SYNE1: variants seen among roughly 807,000 people sequenced by gnomAD.
The protein encoded by SYNE1 is spectrin repeat containing nuclear envelope protein 1, also known as nesprin-1.
SYNE1 carries 616 observed loss-of-function variants against 1,111.0 expected under a neutral mutation model. The observed-to-expected ratio is 0.55, with a 90% confidence interval of 0.52 to 0.59. The LOEUF (loss-of-function observed/expected upper bound fraction) is 0.59. Among genes scored for constraint, SYNE1 ranks in the 20% least tolerant of loss-of-function variants. SYNE1 has a pLI of 0.00. For synonymous variants in SYNE1, 3,855 were observed against 3,825.8 expected (o/e 1.01, Z -0.28); for missense variants, 10,006 against 10,417.0 (o/e 0.96, Z 1.72).
chr6:152,122,651 A>C lies in SYNE1; in HGVS notation c.26179T>G (p.Ser8727Ala). 6.2e-7 allele frequency: 1 copy of C among 1,614,010 alleles called. No homozygotes were observed. The change falls in exon 146 of 146, where the codon TCC (serine) becomes GCC (alanine). Residue 8727 changes from serine (S) to alanine (A), a missense_variant. By Grantham distance (99) the Ser-to-Ala change is moderately conservative (BLOSUM62 1). Coordinates refer to ENST00000367255, the MANE Select transcript of SYNE1 (RefSeq NM_182961.4). Reference sequence around the variant, plus strand: ...CGACCTGGCCCTGGCTCAGAAAGGGAGGAATCGGAGCCACCTTTTGTGGAC... The same window carrying C: ...CGACCTGGCCCTGGCTCAGAAAGGGCGGAATCGGAGCCACCTTTTGTGGAC... The part of the protein sequence containing the change: ...SRSTKGGSDS[S>A]LSEPGPGRSG...
At position 152,330,310 on chromosome 6, in the gene SYNE1, C is replaced by G; in HGVS notation, c.14375G>C (p.Arg4792Thr). The change falls in exon 78 of 146, where the codon AGA (arginine) becomes ACA (threonine). Residue 4792 changes from arginine to threonine, a missense_variant. Transcript: ENST00000367255. ...CTCCTCTTTTACAGACTTCAGTTGTCTCTCCAGCTGTTGGCACATCTTCTC... is the reference window on the plus strand; with the variant it reads ...CTCCTCTTTTACAGACTTCAGTTGTGTCTCCAGCTGTTGGCACATCTTCTC... ...EHEKMCQQLE[R>T]QLKSVKEEQS... 1.9e-6 allele frequency: 3 copies of G among 1,614,158 alleles called. No homozygotes were observed. The highest frequency in any genetic ancestry group is 2.5e-6 in the Non-Finnish European group (3 of 1,180,038).
chr6:152,419,552 A>G lies in SYNE1; in HGVS notation c.5421+17T>C, dbSNP rs756935351. On this transcript the variant is annotated intron_variant, in intron 40 of 145. Transcript: ENST00000367255. ...AGAAATTCTTCTTCAATCTTAAAAA[A>G]AAAAAAACCACTTTACCTTATGCCG... The G allele has an allele frequency of 1.9e-6, 3 of 1,598,888 alleles. No individual in the cohort carries two copies. The highest frequency in any genetic ancestry group is 2.6e-6 in the Non-Finnish European group (3 of 1,176,054).
intron 103 of SYNE1, among the ~76,000 whole-genome samples, 198 bp from the exon 104 acceptor site, chr6:152,255,287 A>G (rs1348445784): frequency 6.6e-6 from 1 of 152,220 alleles, no homozygotes; most frequent in Non-Finnish European, 1.5e-5. Flanking sequence ...ATTCACTAGT[A>G]ATAATGAGCA....
At chr6:152,174,924 T>C (rs2066033872) in intron 130 of SYNE1, among the ~76,000 whole-genome samples, 1 of 152,266 alleles carries the variant, frequency 6.6e-6, no homozygotes, top group African/African-American at 2.4e-5. Flanking sequence ...CTGGGTGCGG[T>C]GGCTCACACC....
chr6:152,441,391 C>T (rs1187006605), intron 31 of SYNE1, 121 bp from the exon 32 acceptor site: 3 of 1,036,090 alleles, frequency 2.9e-6, no homozygotes, highest in South Asian at 1.4e-5. Flanking sequence ...CACACAGTCA[C>T]AATGAATAGA....
intron 3 of SYNE1, 76 bp from the exon 4 acceptor site, chr6:152,540,097 A>C (rs1296977352): frequency 7.1e-7 from 1 of 1,413,660 alleles, no homozygotes; most frequent in South Asian, 1.2e-5. Context: ...TCCTATTTAC[A>C]CAAATCTGGA....
chr6:152,362,064 G>T, intron 64 of SYNE1, 106 bp downstream of exon 64: 1 of 1,458,698 alleles, frequency 6.9e-7, no homozygotes, highest in Non-Finnish European at 9.6e-7. Flanking sequence ...AACGTAATTT[G>T]CTTATGTGCA....
In SYNE1 at chr6:152,385,826, T is replaced by A. The variant is rs747424936; in HGVS notation, c.8500A>T (p.Lys2834Ter). ...IMTVAKEKMRKVEEIVKDHLM... is the reference protein window; with the variant it reads ...IMTVAKEKMR ...TGATCTTTCACAATCTCTTCCACTT[T>A]CCTCATTTTTTCCTAGTAAACAAAG... is the stretch of plus-strand genomic sequence containing the variant. The change falls in exon 55 of 146, where the codon AAA becomes TAA. Residue 2834 changes from lysine (K) to a stop codon, truncating the protein, a stop_gained. Transcript: ENST00000367255. LOFTEE classifies it high-confidence loss of function. 10 of 1,613,950 alleles carry A rather than the reference T, an allele frequency of 6.2e-6. No homozygotes were observed. The highest frequency in any genetic ancestry group is 8.5e-6 in the Non-Finnish European group (10 of 1,179,982).
chr6:152,266,163 T>G (rs1463164272), intron 100 of SYNE1, among the ~76,000 whole-genome samples: 2 of 152,148 alleles, frequency 1.3e-5, no homozygotes, highest in Non-Finnish European at 2.9e-5. Flanking sequence ...AGTACTGCAC[T>G]GCAAATTTAT....
At chr6:152,528,190 A>C (rs1356377428) in intron 4 of SYNE1, among the ~76,000 whole-genome samples, 2 of 152,072 alleles carry the variant, frequency 1.3e-5, no homozygotes, top group African/African-American at 4.8e-5. Flanking sequence ...GTTCTTTACA[A>C]ATTTTTTTCT....
At chr6:152,377,629 AAAAAAAAAAAAATAT>A (rs1241725161) in intron 56 of SYNE1, among the ~76,000 whole-genome samples, 75 of 99,120 alleles carry the variant, frequency 7.6e-4, no homozygotes, top group African/African-American at 3.3e-3. Context: ...AAAAAAAAAA[AAAAAAAAAAAAATAT>A]ATATATATAT....
chr6:152,149,452 A>T, intron 136 of SYNE1, 25 bp downstream of exon 136: 1 of 1,613,840 alleles, frequency 6.2e-7, no homozygotes, highest in South Asian at 1.1e-5. Context: ...ATTTAATGAC[A>T]ACTAAGAAAA....
chr6:152,365,035 C>A lies in SYNE1; in HGVS notation c.9973-16G>T. 1 of 1,614,070 alleles carries A rather than the reference C, an allele frequency of 6.2e-7. No individual in the cohort carries two copies. Among genetic ancestry groups the A allele is most frequent in the East Asian group, 2.2e-5 (1 of 44,874 alleles). On this transcript the variant is annotated splice_polypyrimidine_tract_variant and intron_variant, in intron 62 of 145. Coordinates refer to ENST00000367255, the MANE Select transcript of SYNE1 (RefSeq NM_182961.4). ...ATAATAGAGCCTGTGAAAACACATA[C>A]AGAAGTCCTTTGTCATTTGTATGTT...
chr6:152,393,708 G>A (rs1220269894), intron 51 of SYNE1, among the ~76,000 whole-genome samples: 2 of 152,074 alleles, frequency 1.3e-5, no homozygotes. Flanking sequence ...ATCAGCATGG[G>A]TTCTTTTGTG....
intron 18 of SYNE1, 65 bp from the exon 19 acceptor site, chr6:152,463,582 T>A: frequency 7.6e-7 from 1 of 1,322,582 alleles, no homozygotes; most frequent in Non-Finnish European, 1.1e-6. Flanking sequence ...GATATGAAAG[T>A]GACTAAAGTA....
chr6:152,225,787 G>T lies in SYNE1; in HGVS notation c.21285C>A (p.Asp7095Glu). 1.2e-6 allele frequency: 2 copies of T among 1,614,004 alleles called. No individual in the cohort carries two copies. The change falls in exon 116 of 146, where the codon GAC becomes GAA. Residue 7095 changes from aspartate (D) to glutamate (E), a missense_variant. Around this residue, in one of 7 missense-constraint regions of SYNE1, gnomAD observed 2,182 missense variants for 2,287.8 expected, o/e 0.95. Transcript: ENST00000367255. ...GTGTGCTCATGACAATGCTAGAGAC[G>T]TCTTCTTTCTTGTTCTGAATCAAAG... ...GLALIQNKKE[D>E]VSSIVMSTLR... is the part of the protein sequence containing the mutation.
intron 6 of SYNE1, among the ~76,000 whole-genome samples, chr6:152,511,928 A>T (rs903226152): frequency 6.6e-6 from 1 of 152,174 alleles, no homozygotes. Context: ...AGTCTATCTC[A>T]TTCAATTTCT....
At position 152,156,090 on chromosome 6, in the gene SYNE1, T is replaced by C. The variant is rs1435986928; in HGVS notation, c.23798A>G (p.Gln7933Arg). The C allele has an allele frequency of 1.9e-6, 3 of 1,614,210 alleles. No individual in the cohort carries two copies. Among genetic ancestry groups the C allele is most frequent in the South Asian group, 2.2e-5 (2 of 91,084 alleles). Reference protein sequence around the residue: ...QRKLNEQQELQRDIEKHSTGV... With the variant: ...QRKLNEQQELRRDIEKHSTGV... ...TGTACTGTGCTTCTCTATGTCTCTC[T>C]GAAGCTCCTGCAGGGGAACGTAACA... Residue 7933 changes from glutamine (Q) to arginine (R), a missense_variant, in exon 132 of 146, where the codon CAG (glutamine) becomes CGG (arginine). Physicochemically the swap from Gln to Arg is conservative, Grantham distance 43. This residue lies in a region of SYNE1 where 2,182 missense variants were observed against 2,287.8 expected (regional missense o/e 0.95). Transcript: ENST00000367255.
At chr6:152,479,002 G>C (rs530875017) in intron 14 of SYNE1, among the ~76,000 whole-genome samples, 1 of 152,302 alleles carries the variant, frequency 6.6e-6, no homozygotes, top group African/African-American at 2.4e-5. Context: ...AGATGGTAAA[G>C]AGAACAGGAT....
Sources: gnomAD v4.1 joint callset for allele counts (sites outside exome capture counted in the v4.1 genomes callset) on GRCh38, gnomAD v4.1.1 for gene constraint, gnomAD v4.1.1 regional missense constraint, MANE v1.5 for transcripts, NCBI Gene and HGNC (gene_info 2026-07-23, HGNC 2026-07-21) for gene names.